The following AP5Z1 variants were observed in gnomAD, a reference collection of about 807,000 sequenced individuals.
AP5Z1 encodes adaptor related protein complex 5 subunit zeta 1.
A neutral mutation model predicts 83.0 loss-of-function variants in AP5Z1; 106 were observed. That is an observed-to-expected ratio of 1.28 (90% confidence interval 1.09 to 1.50). The LOEUF is 1.50. Ranked by LOEUF, AP5Z1 falls within the 40% of genes most tolerant of loss-of-function variation. AP5Z1 has a pLI of 0.00. For missense variants in AP5Z1, 1,565 were observed against 1,094.2 expected, an observed-to-expected ratio of 1.43 and a Z score of -6.07; for synonymous variants, 751 against 514.1, an observed-to-expected ratio of 1.46 and a Z score of -6.23.
Position 4,784,378 on chromosome 7 carries a change from G to C in AP5Z1, c.790+7G>C, listed in dbSNP as rs759449685. 3.8e-6 allele frequency: 6 copies of C among 1,589,504 alleles called. No homozygotes were observed. The highest frequency in any genetic ancestry group is 5.1e-6 in the Non-Finnish European group (6 of 1,170,874). ...CCGGGCACCCTGGACACAGGTGTGC[G>C]GGGTGGGGGGATGACGTCAGACAGG... is the stretch of plus-strand genomic sequence containing the variant. On this transcript the variant is annotated splice_region_variant and intron_variant, in intron 6 of 16. Transcript: ENST00000649063.
intron 4 of AP5Z1, 61 bp downstream of exon 4, chr7:4,783,521 G>A: frequency 1.3e-6 from 2 of 1,588,424 alleles, no homozygotes; most frequent in Non-Finnish European, 1.7e-6. Flanking sequence ...CTTCCCTGAG[G>A]GCCCATGGTG....
chr7:4,788,639 T>C (rs1157743539), intron 12 of AP5Z1: 2 of 536,444 alleles, frequency 3.7e-6, no homozygotes, highest in East Asian at 6.3e-5. Context: ...CACGCCAGCC[T>C]TTGTCCCGAT....
chr7:4,782,839 A>AC (rs1247517538), intron 3 of AP5Z1, among the ~76,000 whole-genome samples: 1 of 151,552 alleles, frequency 6.6e-6, no homozygotes, highest in African/African-American at 2.4e-5. Flanking sequence ...CCAGCGGTGC[A>AC]CCCCCCGCCC....
At chr7:4,786,460 G>A in intron 10 of AP5Z1, 32 bp downstream of exon 10, 1 of 1,608,468 alleles carries the variant, frequency 6.2e-7, no homozygotes. Flanking sequence ...TGCCAGGGCA[G>A]GGGCATGGTA....
chr7:4,784,294 T>C lies in AP5Z1; in HGVS notation c.713T>C (p.Leu238Pro). The C allele has an allele frequency of 6.2e-7, 1 of 1,602,310 alleles. No individual in the cohort carries two copies. Among genetic ancestry groups the C allele is most frequent in the Non-Finnish European group, 8.5e-7 (1 of 1,175,450 alleles). Residue 238 changes from leucine (L) to proline (P), a missense_variant, in exon 6 of 17, where the codon CTG (leucine) becomes CCG (proline). Leu to Pro is a moderately conservative substitution (Grantham distance 98). Coordinates refer to ENST00000649063, the MANE Select transcript of AP5Z1 (RefSeq NM_014855.3). ...SGHRFTDDQW[L>P]NVQAFSMLRA... ...CACCGCTTCACAGACGACCAGTGGC[T>C]GAACGTGCAGGCCTTCTCTATGCTG...
rs981393527 is a variant in AP5Z1, at chr7:4,794,174, G to A, written c.*2789G>A. 5 of 152,176 alleles carry A rather than the reference G, an allele frequency of 3.3e-5. No homozygotes were observed. Among genetic ancestry groups the A allele is most frequent in the African/African-American group, 1.2e-4 (5 of 41,398 alleles). The allele number at this position is 152,176 out of a possible 1,614,324, so 9.4% of individuals were successfully genotyped here. A position where few individuals can be genotyped will look rare whatever the true frequency, so the allele number is the denominator to read the frequency against. ...ACACTCTGTATCTAGTTAATCTGGT[G>A]GGGACATGGAGAACCTTTGTGTCTA... On this transcript the variant is annotated 3_prime_UTR_variant, in exon 17 of 17. Transcript: ENST00000649063.
At chr7:4,790,030 C>T in intron 14 of AP5Z1, 101 bp downstream of exon 14, 2 of 1,169,768 alleles carry the variant, frequency 1.7e-6, no homozygotes, top group Admixed American at 5.3e-5. Context: ...CGGCACCACC[C>T]CTAGCTGGGC....
chr7:4,777,956 C>T (rs1010317972), intron 1 of AP5Z1, among the ~76,000 whole-genome samples: 26 of 152,224 alleles, frequency 1.7e-4, no homozygotes, highest in Non-Finnish European at 2.6e-4. Flanking sequence ...GACTGGCCCA[C>T]GCCTGTAATC....
In AP5Z1 at chr7:4,785,649, T is replaced by C. The variant is rs1308876232; in HGVS notation, c.1097T>C (p.Val366Ala). The change falls in exon 9 of 17, where the codon GTG becomes GCG. Residue 366 changes from valine (V) to alanine (A), a missense_variant. Coordinates refer to ENST00000649063, the MANE Select transcript of AP5Z1 (RefSeq NM_014855.3). ...RVRGDPASVR[V>A]LLPLAHFFLS... Reference sequence around the variant, plus strand: ...CGCGGGGACCCGGCCTCTGTGCGGGTGCTGCTGCCCCTCGCCCACTTCTTC... The same window carrying C: ...CGCGGGGACCCGGCCTCTGTGCGGGCGCTGCTGCCCCTCGCCCACTTCTTC... The C allele has an allele frequency of 1.3e-6, 2 of 1,557,922 alleles. No homozygotes were observed. Among genetic ancestry groups the C allele is most frequent in the Non-Finnish European group, 1.7e-6 (2 of 1,154,466 alleles).
chr7:4,784,103 C>T (rs1047719216), intron 5 of AP5Z1, 100 bp from the exon 6 acceptor site: 2 of 1,390,734 alleles, frequency 1.4e-6, no homozygotes, highest in Non-Finnish European at 1.9e-6. Context: ...GGCTCATGTT[C>T]AGGCAGCTTC....
chr7:4,792,258 G>GCGC lies in AP5Z1; in HGVS notation c.*881_*883dup, dbSNP rs1422686502. On this transcript the variant is annotated 3_prime_UTR_variant, in exon 17 of 17. Coordinates refer to ENST00000649063, the MANE Select transcript of AP5Z1 (RefSeq NM_014855.3). ...CTGGGACGGGCTCAGCCGCCAGGGGGCGCCGCCGCCCCGAGAGCCTCACGC... is the reference window on the plus strand; with the variant it reads ...CTGGGACGGGCTCAGCCGCCAGGGGGCGCCGCCGCCGCCCCGAGAGCCTCACGC... The GCGC allele has an allele frequency of 2.0e-5, 3 of 152,260 alleles. No individual in the cohort carries two copies. The highest frequency in any genetic ancestry group is 2.9e-5 in the Non-Finnish European group (2 of 68,136). 9.4% of individuals were successfully genotyped at this position (152,260 alleles called of 1,614,324 possible). A position where few individuals can be genotyped will look rare whatever the true frequency, so the allele number is the denominator to read the frequency against.
intron 6 of AP5Z1, 34 bp downstream of exon 6, chr7:4,784,405 G>A: frequency 6.4e-7 from 1 of 1,554,026 alleles, no homozygotes; most frequent in Non-Finnish European, 8.7e-7. Context: ...TCAGACAGGG[G>A]TGGGAGGTGG....
At chr7:4,791,046 C>T (rs1487209880) in intron 16 of AP5Z1, 69 bp from the exon 17 acceptor site, 15 of 1,487,768 alleles carry the variant, frequency 1.0e-5, no homozygotes, top group African/African-American at 4.2e-5. Context: ...TCAGGCCTGG[C>T]CCCTCCACAC....
In AP5Z1 at chr7:4,784,184, C is replaced by T. The variant is rs1479869241; in HGVS notation, c.622-19C>T. ...CGGCCTCGGCCCCCTCCGCCCACTC[C>T]TGCCTGTCCTTCCCACAGCCGGGCC... On this transcript the variant is annotated intron_variant, in intron 5 of 16. Transcript: ENST00000649063. 1.9e-6 allele frequency: 3 copies of T among 1,575,076 alleles called. No homozygotes were observed. The highest frequency in any genetic ancestry group is 2.6e-6 in the Non-Finnish European group (3 of 1,161,508).
At position 4,791,519 on chromosome 7, in the gene AP5Z1, ACCCTCACAGACACGCGGGGCTGGCC is replaced by A. The variant is rs1418180414; in HGVS notation, c.*138_*162del. ...AGGCAAGGCCCACGGTGGGCTTGGCACCCTCACAGACACGCGGGGCTGGCCCCCCTGCTCACCCTCTGGGCTTTGT... is the reference window on the plus strand; with the variant it reads ...AGGCAAGGCCCACGGTGGGCTTGGCACCCCTGCTCACCCTCTGGGCTTTGT... On this transcript the variant is annotated 3_prime_UTR_variant, in exon 17 of 17. Coordinates refer to ENST00000649063, the MANE Select transcript of AP5Z1 (RefSeq NM_014855.3). 1 of 1,307,958 alleles carries A rather than the reference ACCCTCACAGACACGCGGGGCTGGCC, an allele frequency of 7.6e-7. No individual in the cohort carries two copies. The highest frequency in any genetic ancestry group is 1.0e-6 in the Non-Finnish European group (1 of 969,318). The allele number at this position is 1,307,958 out of a possible 1,614,324, so 81.0% of individuals were successfully genotyped here. A position where few individuals can be genotyped will look rare whatever the true frequency, so the allele number is the denominator to read the frequency against.
At chr7:4,781,055 T>C in intron 1 of AP5Z1, 120 bp from the exon 2 acceptor site, 1 of 1,310,454 alleles carries the variant, frequency 7.6e-7, no homozygotes, top group East Asian at 2.4e-5. Context: ...TGGAACCGTG[T>C]TCCTCCACAC....
rs1010871200 is a variant in AP5Z1 at position 4,789,949 on chromosome 7, C to G, written c.1805+20C>G. ...GCACAGGTAGGTCCCTCCTGCGCTC[C>G]TGCCACAGCCCTGGGCGGGTGCCTC... On this transcript the variant is annotated intron_variant, in intron 14 of 16. Coordinates refer to ENST00000649063, the MANE Select transcript of AP5Z1 (RefSeq NM_014855.3). The G allele has an allele frequency of 8.6e-6, 13 of 1,513,542 alleles. No homozygotes were observed. The African/African-American group carries it at 1.4e-4, about 16-fold the overall frequency. 93.8% of individuals were successfully genotyped at this position (1,513,542 alleles called of 1,614,324 possible). A position where few individuals can be genotyped will look rare whatever the true frequency, so the allele number is the denominator to read the frequency against.
intron 1 of AP5Z1, among the ~76,000 whole-genome samples, chr7:4,780,153 T>C (rs971800583): frequency 2.0e-5 from 3 of 152,144 alleles, no homozygotes; most frequent in African/African-American, 7.2e-5. Context: ...TATTGGTTCT[T>C]TCTTTTAGAC....
At chr7:4,783,274 G>T in intron 3 of AP5Z1, 42 bp from the exon 4 acceptor site, 1 of 1,535,712 alleles carries the variant, frequency 6.5e-7, no homozygotes, top group Non-Finnish European at 8.8e-7. Context: ...CTGGTCTCTG[G>T]CACAGGCCAG....
Sources: allele counts gnomAD v4.1 joint callset (sites outside exome capture counted in the v4.1 genomes callset), GRCh38; gene constraint gnomAD v4.1.1; transcripts MANE v1.5; gene names NCBI Gene and HGNC (gene_info 2026-07-23, HGNC 2026-07-21).